The following TMEM45A variants were observed in gnomAD, a reference collection of about 807,000 sequenced individuals.
TMEM45A encodes transmembrane protein 45A.
Under a neutral mutation model 32.0 loss-of-function variants are expected in TMEM45A, and 25 were observed. The observed-to-expected ratio is 0.78, with a 90% CI of 0.57 to 1.09. The LOEUF is 1.09. Among genes scored for constraint, TMEM45A ranks in the 50% least tolerant of loss-of-function variants. TMEM45A has a pLI of 0.00. For missense variants in TMEM45A, 302 were observed against 325.0 expected (o/e 0.93, Z 0.54); for synonymous variants, 122 against 114.8 (o/e 1.06, Z -0.40).
Position 100,562,424 on chromosome 3 carries a change from T to C in TMEM45A, c.588+3835T>C, listed in dbSNP as rs1447481639. On this transcript the variant is annotated intron_variant, in intron 4 of 5. Coordinates refer to ENST00000323523, the MANE Select transcript of TMEM45A (RefSeq NM_018004.3). ...TCACTGTAGTCACATCAGTTAACTC[T>C]GTTCAGTGGCCTCAGTCAAATCTTT... Among the ~76,000 whole-genome samples, 3 of 152,326 alleles carry C rather than the reference T, an allele frequency of 2.0e-5. No individual in the cohort carries two copies. The East Asian group carries it at 5.8e-4, about 29-fold the overall frequency.
At chr3:100,557,001 C>G (rs767951202) in intron 3 of TMEM45A, 29 bp downstream of exon 3, 18 of 1,605,908 alleles carry the variant, frequency 1.1e-5, no homozygotes, top group South Asian at 7.7e-5. Context: ...TTTCATGTAC[C>G]TTTCTCTATT....
chr3:100,553,735 A>T (rs1706155208), intron 1 of TMEM45A, among the ~76,000 whole-genome samples: 1 of 152,202 alleles, frequency 6.6e-6, no homozygotes, highest in African/African-American at 2.4e-5. Flanking sequence ...AAGAAACATG[A>T]CGCAAACACA....
At chr3:100,494,961 T>C (rs1437136172) in intron 1 of TMEM45A, among the ~76,000 whole-genome samples, 1 of 152,174 alleles carries the variant, frequency 6.6e-6, no homozygotes, top group Non-Finnish European at 1.5e-5. Context: ...GAGTACTGAG[T>C]TAGCATACAT....
intron 1 of TMEM45A, among the ~76,000 whole-genome samples, chr3:100,535,830 T>G (rs988360084): frequency 2.0e-5 from 3 of 152,252 alleles, no homozygotes; most frequent in African/African-American, 7.2e-5. Flanking sequence ...GTTTGTTCTA[T>G]TAGTTGCTGT....
chr3:100,557,003 T>G, intron 3 of TMEM45A, 31 bp downstream of exon 3: 13 of 1,606,292 alleles, frequency 8.1e-6, no homozygotes, highest in Non-Finnish European at 1.1e-5. Flanking sequence ...TCATGTACCT[T>G]TCTCTATTAG....
chr3:100,541,911 C>A (rs775022492), intron 1 of TMEM45A, among the ~76,000 whole-genome samples: 1 of 151,984 alleles, frequency 6.6e-6, no homozygotes, highest in Non-Finnish European at 1.5e-5. Flanking sequence ...CTTTTAAGTC[C>A]TTTCCCCTTA....
chr3:100,568,789 A>G, intron 4 of TMEM45A, 33 bp from the exon 5 acceptor site: 1 of 1,570,756 alleles, frequency 6.4e-7, no homozygotes, highest in Non-Finnish European at 8.7e-7. Flanking sequence ...GTGATTGGTT[A>G]TTTTAATATA....
At chr3:100,513,895 A>G (rs1283277643) in intron 1 of TMEM45A, among the ~76,000 whole-genome samples, 1 of 152,060 alleles carries the variant, frequency 6.6e-6, no homozygotes, top group Non-Finnish European at 1.5e-5. Context: ...AAGAGAATAA[A>G]ATACCTAGGA....
At chr3:100,554,174 CTT>C (rs531566153) in intron 1 of TMEM45A, among the ~76,000 whole-genome samples, 11 of 141,768 alleles carry the variant, frequency 7.8e-5, no homozygotes, top group Non-Finnish European at 4.6e-5. Flanking sequence ...TCACATAATT[CTT>C]TTTTTTTTTT....
intron 1 of TMEM45A, among the ~76,000 whole-genome samples, chr3:100,553,558 T>C (rs1267972923): frequency 6.6e-6 from 1 of 152,184 alleles, no homozygotes; most frequent in Non-Finnish European, 1.5e-5. Flanking sequence ...ATAGAAGTTT[T>C]CTCGATCCCA....
chr3:100,526,045 G>A (rs528860722), intron 1 of TMEM45A, among the ~76,000 whole-genome samples: 1 of 152,258 alleles, frequency 6.6e-6, no homozygotes, highest in South Asian at 2.1e-4. Flanking sequence ...TCTGGGAAAT[G>A]AGCGTCTGCA....
rs941586970 is a variant in TMEM45A at position 100,492,906 on chromosome 3, G to A, written c.-26G>A. On this transcript the variant is annotated 5_prime_UTR_variant, in exon 1 of 6. Transcript: ENST00000323523. ...GCTGGCAAAGTGGGAAAAATAAAGT[G>A]TTGAGTAAACAGACCAAGTTGGGTA... 6.6e-6 allele frequency: 1 copy of A among 152,136 alleles called. No homozygotes were observed. The highest frequency in any genetic ancestry group is 1.5e-5 in the Non-Finnish European group (1 of 68,042). The allele number at this position is 152,136 out of a possible 1,614,324, so 9.4% of individuals were successfully genotyped here.
At chr3:100,528,784 C>T (rs1363488193) in intron 1 of TMEM45A, among the ~76,000 whole-genome samples, 1 of 151,998 alleles carries the variant, frequency 6.6e-6, no homozygotes, top group Admixed American at 6.6e-5. Flanking sequence ...AATGAAATAT[C>T]CTAGGATTTT....
At chr3:100,532,219 GA>G (rs1705660080) in intron 1 of TMEM45A, among the ~76,000 whole-genome samples, 1 of 152,150 alleles carries the variant, frequency 6.6e-6, no homozygotes, top group African/African-American at 2.4e-5. Context: ...CTGTATTTAT[GA>G]AAAGGTATTT....
In TMEM45A at chr3:100,568,881, A is replaced by G; in HGVS notation, c.648A>G (p.Glu216=). Residue 216 remains glutamate (E), a synonymous_variant, in exon 5 of 6, where the codon GAA becomes GAG. Transcript: ENST00000323523. ...CTGCATGGGATCTGATGGATCATGA[A>G]AATATTTTGTTTCTCACCATATGCT... ...GGPAWDLMDH[E]NILFLTICFC... is the part of the protein sequence containing the mutation. 1 of 1,613,958 alleles carries G rather than the reference A, an allele frequency of 6.2e-7. No individual in the cohort carries two copies. Among genetic ancestry groups the G allele is most frequent in the Non-Finnish European group, 8.5e-7 (1 of 1,179,854 alleles).
intron 1 of TMEM45A, among the ~76,000 whole-genome samples, chr3:100,549,244 C>T (rs1277891940): frequency 8.3e-6 from 1 of 120,976 alleles, no homozygotes; most frequent in Non-Finnish European, 1.8e-5. Flanking sequence ...GAGATCCTGT[C>T]TCAAAAAAAA....
intron 1 of TMEM45A, chr3:100,519,687 T>C: frequency 7.2e-7 from 1 of 1,389,470 alleles, no homozygotes; most frequent in Non-Finnish European, 1.0e-6. Flanking sequence ...AAAGACCTAG[T>C]TTGAACCTGA....
intron 1 of TMEM45A, among the ~76,000 whole-genome samples, chr3:100,517,069 G>T (rs1708274102): frequency 6.6e-6 from 1 of 152,098 alleles, no homozygotes; most frequent in Non-Finnish European, 1.5e-5. Flanking sequence ...ATCACTGATG[G>T]TGCTGAATCA....
chr3:100,539,491 G>GTATATGTATATGTATACA, intron 1 of TMEM45A, among the ~76,000 whole-genome samples: 1 of 47,358 alleles, frequency 2.1e-5, no homozygotes. Flanking sequence ...ATATGTATAT[G>GTATATGTATATGTATACA]TATACGTATA....
Sources: allele counts gnomAD v4.1 joint callset (sites outside exome capture counted in the v4.1 genomes callset), GRCh38; gene constraint gnomAD v4.1.1; transcripts MANE v1.5; gene names NCBI Gene and HGNC (gene_info 2026-07-23, HGNC 2026-07-21).